The following AOPEP variants were observed in gnomAD, a reference collection of about 807,000 sequenced individuals.
AOPEP encodes the protein aminopeptidase O.
In AOPEP, 77 loss-of-function variants were observed where a neutral mutation model predicts 98.1. That is an observed-to-expected ratio of 0.78 (90% CI 0.65 to 0.95). The LOEUF is 0.95. Ranked by LOEUF, AOPEP falls within the 40% of genes least tolerant of loss-of-function variation. AOPEP has a pLI of 0.00. For missense variants in AOPEP, 1,024 were observed against 1,024.7 expected, an observed-to-expected ratio of 1.00 and a Z score of 0.01; for synonymous variants, 346 against 365.3, an observed-to-expected ratio of 0.95 and a Z score of 0.60.
Position 94,885,348 on chromosome 9 carries a change from C to CAAAAAAAAAAAAA in AOPEP, c.1365-38608_1365-38596dup, listed in dbSNP as rs71366268. Among the ~76,000 whole-genome samples, 18 of 35,988 alleles carry CAAAAAAAAAAAAA rather than the reference C, an allele frequency of 5.0e-4. 4 individuals carry two copies. Among genetic ancestry groups the CAAAAAAAAAAAAA allele is most frequent in the Non-Finnish European group, 8.2e-4 (16 of 19,520 alleles). The allele number at this position is 35,988 out of a possible 152,430, so 23.6% of individuals were successfully genotyped here. A position where few individuals can be genotyped will look rare whatever the true frequency, so the allele number is the denominator to read the frequency against. ...TGGGTGACAGAGTGAGATCCTGTCT[C>CAAAAAAAAAAAAA]AAAAAAAAAAAAAAAAAAAAAAAAA... On this transcript the variant is annotated intron_variant, in intron 5 of 16. Transcript: ENST00000375315.
At chr9:95,100,397 T>C in the AOPEP span, 2 of 231,392 alleles carry the variant, frequency 8.6e-6, no homozygotes, top group Non-Finnish European at 8.6e-6. Flanking sequence ...CATACCAAAA[T>C]AAGGAATTTC....
rs58616523 is a variant in AOPEP, at chr9:95,036,702, C to CTTTT, written c.2116-23985_2116-23982dup. Among the ~76,000 whole-genome samples, 7 of 135,822 alleles carry CTTTT rather than the reference C, an allele frequency of 5.2e-5. 1 individual carries two copies. The highest frequency in any genetic ancestry group is 9.3e-5 in the Non-Finnish European group (6 of 64,234). 89.1% of individuals were successfully genotyped at this position (135,822 alleles called of 152,430 possible). On this transcript the variant is annotated intron_variant, in intron 13 of 16. Coordinates refer to ENST00000375315, the MANE Select transcript of AOPEP (RefSeq NM_001193329.3). ...TTTCTTGTTCTTCTTTCTTCTTCTT[C>CTTTT]TTTTTTTTTTGTGGGGAATAAAACT...
intron 13 of AOPEP, among the ~76,000 whole-genome samples, chr9:95,018,711 TTC>T (rs1357853236): frequency 2.0e-5 from 3 of 152,184 alleles, no homozygotes; most frequent in African/African-American, 7.2e-5. Flanking sequence ...TGTGGAGAGG[TTC>T]TCTCTGCCTC....
At chr9:95,137,405 C>T in the AOPEP span, among the ~76,000 whole-genome samples, 9 of 152,140 alleles carry the variant, frequency 5.9e-5, no homozygotes, top group Admixed American at 3.3e-4. Flanking sequence ...GTACATTCAC[C>T]TCAGAGCCTC....
chr9:95,053,568 A>C (rs1474070212), intron 13 of AOPEP, among the ~76,000 whole-genome samples: 1 of 152,212 alleles, frequency 6.6e-6, no homozygotes, highest in Admixed American at 6.5e-5. Context: ...GTTAATGTAT[A>C]ACTAGAATTG....
At chr9:94,990,102 T>C (rs1488571452) in intron 11 of AOPEP, among the ~76,000 whole-genome samples, 1 of 152,144 alleles carries the variant, frequency 6.6e-6, no homozygotes, top group Admixed American at 6.5e-5. Flanking sequence ...TGCGAAGAAC[T>C]GTAGAGGTTG....
At chr9:95,043,105 G>T (rs73524654) in intron 13 of AOPEP, among the ~76,000 whole-genome samples, 1,777 of 93,902 alleles carry the variant, frequency 0.019, 29 homozygotes, top group African/African-American at 0.067. Context: ...AGACCCCCCA[G>T]CCACCTCATC....
chr9:95,107,659 G>A, the AOPEP span: 3 of 381,364 alleles, frequency 7.9e-6, no homozygotes, highest in South Asian at 2.5e-5. Flanking sequence ...TCAGACCTCC[G>A]CCGAGCCAGT....
At chr9:94,833,235 CTTTTTTTTTT>C (rs34212567) in intron 5 of AOPEP, among the ~76,000 whole-genome samples, 2 of 70,324 alleles carry the variant, frequency 2.8e-5, no homozygotes, top group Admixed American at 2.2e-4. Flanking sequence ...CACACCCGTC[CTTTTTTTTTT>C]TTTTTTTTTT....
chr9:94,733,104 TC>T (rs1166958437), intron 1 of AOPEP, among the ~76,000 whole-genome samples: 5 of 143,844 alleles, frequency 3.5e-5, no homozygotes, highest in Non-Finnish European at 7.6e-5. Flanking sequence ...ATTTTCTTTC[TC>T]TTTTTTTTTT....
chr9:95,140,419 A>T, the AOPEP span, among the ~76,000 whole-genome samples: 10 of 152,240 alleles, frequency 6.6e-5, no homozygotes, highest in Non-Finnish European at 1.0e-4. Context: ...GCAGGTAAAG[A>T]AATTGGTCCA....
At chr9:95,039,446 C>G (rs1461117997) in intron 13 of AOPEP, among the ~76,000 whole-genome samples, 1 of 151,968 alleles carries the variant, frequency 6.6e-6, no homozygotes, top group Non-Finnish European at 1.5e-5. Flanking sequence ...ATGGTGCACA[C>G]CTGTAGTTCC....
intron 5 of AOPEP, among the ~76,000 whole-genome samples, chr9:94,910,721 G>A (rs1040992994): frequency 2.6e-5 from 4 of 152,186 alleles, no homozygotes; most frequent in Non-Finnish European, 5.9e-5. Context: ...TCTGTTGCTT[G>A]AGAAGTATGG....
chr9:94,909,346 T>TAA (rs3052031), intron 5 of AOPEP, among the ~76,000 whole-genome samples: 60,088 of 82,058 alleles, frequency 0.73, 22,668 homozygotes, highest in Middle Eastern at 0.82. Context: ...TTTGGAGCCT[T>TAA]AAAAAAAAAA....
chr9:94,948,219 C>T (rs1012749161), intron 7 of AOPEP, among the ~76,000 whole-genome samples: 2 of 152,018 alleles, frequency 1.3e-5, no homozygotes, highest in Non-Finnish European at 2.9e-5. Flanking sequence ...ATTCCTTAGG[C>T]ACAGACCTAA....
chr9:94,875,267 A>G (rs1184957159), intron 5 of AOPEP, among the ~76,000 whole-genome samples: 1 of 150,474 alleles, frequency 6.6e-6, no homozygotes, highest in Non-Finnish European at 1.5e-5. Flanking sequence ...CAGTTAAAGA[A>G]TGGTATGAAA....
chr9:94,896,473 C>T (rs79592777), intron 5 of AOPEP, among the ~76,000 whole-genome samples: 1,550 of 152,168 alleles, frequency 0.01, 27 homozygotes, highest in African/African-American at 0.036. Flanking sequence ...GAAAGAATAA[C>T]GTTACAGTGG....
chr9:94,751,888 C>CTTT (rs80060505), intron 1 of AOPEP, among the ~76,000 whole-genome samples: 4,240 of 104,448 alleles, frequency 0.041, 366 homozygotes, highest in African/African-American at 0.15. Flanking sequence ...CCCATGAAAA[C>CTTT]TTTTTTTTTT....
chr9:94,869,742 A>G (rs1232951770), intron 5 of AOPEP, among the ~76,000 whole-genome samples: 1 of 152,210 alleles, frequency 6.6e-6, no homozygotes, highest in Non-Finnish European at 1.5e-5. Flanking sequence ...TTATCTGTAG[A>G]ATGTCATCTG....
Sources: gnomAD v4.1 joint callset for allele counts (sites outside exome capture counted in the v4.1 genomes callset) on GRCh38, gnomAD v4.1.1 for gene constraint, MANE v1.5 for transcripts, NCBI Gene and HGNC (gene_info 2026-07-23, HGNC 2026-07-21) for gene names.